The following EGF variants were observed in gnomAD, a reference collection of about 807,000 sequenced individuals.
EGF encodes epidermal growth factor.
A neutral mutation model predicts 143.8 loss-of-function variants in EGF; 95 were observed. That is an observed-to-expected ratio of 0.66 (90% CI 0.56 to 0.78). The LOEUF (loss-of-function observed/expected upper bound fraction) is 0.78, where lower values mean the gene tolerates loss of function less well. Ranked by LOEUF, EGF falls within the 30% of genes least tolerant of loss-of-function variation. EGF has a pLI of 0.00. For missense variants in EGF, 1,320 were observed against 1,470.9 expected, an observed-to-expected ratio of 0.90 and a Z score of 1.68; for synonymous variants, 510 against 510.5, an observed-to-expected ratio of 1.00 and a Z score of 0.01.
intron 20 of EGF, among the ~76,000 whole-genome samples, chr4:109,995,225 T>C (rs77971125): frequency 5.3e-5 from 8 of 152,226 alleles, no homozygotes; most frequent in Non-Finnish European, 1.2e-4. Context: ...ACTTTTTTTT[T>C]CCATCAAATG....
chr4:109,944,434 G>A lies in EGF; in HGVS notation c.737+365G>A, dbSNP rs144911402. Among the ~76,000 whole-genome samples, 374 of 152,330 alleles carry A rather than the reference G, an allele frequency of 2.5e-3. 2 individuals carry two copies. The highest frequency in any genetic ancestry group is 8.5e-3 in the African/African-American group (353 of 41,574). On this transcript the variant is annotated intron_variant, in intron 4 of 23. Coordinates refer to ENST00000265171, the MANE Select transcript of EGF (RefSeq NM_001963.6). ...AGCCTGGGCGACAGAGCGAGACTCC[G>A]TCTCAAGAAAAAGACTTGAGTTCAA...
chr4:109,959,670 G>A (rs939766534), intron 6 of EGF, among the ~76,000 whole-genome samples: 1 of 152,044 alleles, frequency 6.6e-6, no homozygotes. Flanking sequence ...TGTGTTTCTA[G>A]ATCAAACACT....
Position 109,960,931 on chromosome 4 carries a change from C to G in EGF, c.1131C>G (p.Ser377=). The change falls in exon 7 of 24, where the codon TCC becomes TCG. Residue 377 remains serine, a synonymous_variant. Coordinates refer to ENST00000265171, the MANE Select transcript of EGF (RefSeq NM_001963.6). ...TTGGGTGTAAAAACACCCCTGGATC[C>G]TATTACTGCACGTGCCCTGTAGGAT... ...CTLGCKNTPG[S]YYCTCPVGFV... The G allele has an allele frequency of 6.2e-7, 1 of 1,613,938 alleles. No individual in the cohort carries two copies. The highest frequency in any genetic ancestry group is 8.5e-7 in the Non-Finnish European group (1 of 1,179,906).
rs1325358038 is a variant in EGF at position 109,980,956 on chromosome 4, T to C, written c.2352T>C (p.Asp784=). 1 of 1,614,112 alleles carries C rather than the reference T, an allele frequency of 6.2e-7. No homozygotes were observed. Among genetic ancestry groups the C allele is most frequent in the Non-Finnish European group, 8.5e-7 (1 of 1,179,974 alleles). Residue 784 remains aspartate, a synonymous_variant, in exon 15 of 24, where the codon GAT becomes GAC. Transcript: ENST00000265171. ...ATGGGAAAACGTGTCTGGCTCTGGATGGTCATCAGCTGTTGGCAGGTAATA... is the reference window on the plus strand; with the variant it reads ...ATGGGAAAACGTGTCTGGCTCTGGACGGTCATCAGCTGTTGGCAGGTAATA... ...ASDGKTCLAL[D]GHQLLAGGEV... is the part of the protein sequence containing the mutation.
chr4:109,987,302 ATC>A (rs2126133058), intron 16 of EGF, among the ~76,000 whole-genome samples: 1 of 152,110 alleles, frequency 6.6e-6, no homozygotes, highest in East Asian at 1.9e-4. Context: ...GGGACTATGC[ATC>A]TCTTTTTTTT....
chr4:109,964,573 T>A (rs758424003), intron 10 of EGF, 36 bp downstream of exon 10: 3 of 1,613,250 alleles, frequency 1.9e-6, no homozygotes, highest in Non-Finnish European at 2.5e-6. Context: ...GTGGACATGC[T>A]TTAAGGACAG....
intron 21 of EGF, among the ~76,000 whole-genome samples, chr4:110,002,669 CTTTTA>C (rs1752722243): frequency 6.6e-6 from 1 of 150,836 alleles, no homozygotes; most frequent in Non-Finnish European, 1.5e-5. Flanking sequence ...TTTTTTTTAA[CTTTTA>C]TTTTAGGTTC....
Position 109,945,093 on chromosome 4 carries a change from C to T in EGF, c.758C>T (p.Ser253Phe), listed in dbSNP as rs1435747525. The T allele has an allele frequency of 1.2e-6, 2 of 1,613,944 alleles. No homozygotes were observed. Among genetic ancestry groups the T allele is most frequent in the African/African-American group, 2.7e-5 (2 of 74,884 alleles). Residue 253 changes from serine to phenylalanine, a missense_variant, in exon 5 of 24, where the codon TCC (serine) becomes TTC (phenylalanine). This residue lies in a region of EGF where 1,186 missense variants were observed against 1,313.7 expected (regional missense o/e 0.90). Coordinates refer to ENST00000265171, the MANE Select transcript of EGF (RefSeq NM_001963.6). The part of the protein sequence containing the change: ...HPTQHNLFAM[S>F]LFGDRIFYST... ...TTTAGGCATAATTTGTTTGCAATGT[C>T]CCTTTTTGGTGACCGTATCTTCTAT...
intron 1 of EGF, among the ~76,000 whole-genome samples, chr4:109,929,236 C>A (rs1739268704): frequency 6.6e-6 from 1 of 152,132 alleles, no homozygotes; most frequent in Non-Finnish European, 1.5e-5. Context: ...TTGAGAAAGG[C>A]ATAGCTTTGT....
intron 1 of EGF, among the ~76,000 whole-genome samples, chr4:109,935,905 G>A (rs374523824): frequency 4.6e-5 from 7 of 152,228 alleles, no homozygotes; most frequent in Middle Eastern, 3.4e-3. Flanking sequence ...CAACTCGGTC[G>A]TGGTGGATAA....
intron 20 of EGF, 88 bp from the exon 21 acceptor site, chr4:109,999,591 G>T: frequency 1.3e-6 from 2 of 1,542,530 alleles, no homozygotes; most frequent in African/African-American, 1.4e-5. Flanking sequence ...AAATGCAGAG[G>T]TTGAGAGACA....
chr4:109,986,428 G>A (rs1429786051), intron 16 of EGF, among the ~76,000 whole-genome samples: 2 of 152,262 alleles, frequency 1.3e-5, no homozygotes, highest in South Asian at 2.1e-4. Flanking sequence ...TGAGTGACAG[G>A]AGATAACCAA....
chr4:109,957,908 C>T (rs11568919), intron 5 of EGF, among the ~76,000 whole-genome samples: 9 of 152,250 alleles, frequency 5.9e-5, no homozygotes, highest in Admixed American at 3.9e-4. Flanking sequence ...TCTGCCCTTA[C>T]GCTCAAGCTT....
intron 22 of EGF, among the ~76,000 whole-genome samples, chr4:110,006,183 TAA>T (rs11287078): frequency 3.4e-5 from 5 of 147,836 alleles, no homozygotes; most frequent in East Asian, 2.0e-4. Flanking sequence ...TTAAAAAGAT[TAA>T]AAAAAAAAAC....
rs766342228 is a variant in EGF at position 110,008,132 on chromosome 4, C to T, written c.3292-20C>T. On this transcript the variant is annotated intron_variant, in intron 22 of 23. Coordinates refer to ENST00000265171, the MANE Select transcript of EGF (RefSeq NM_001963.6). ...TGAATTTTAACAATATCCTCTCTCC[C>T]TCCTTTTTGTTGTCTGCAGTTTGTG... 6.2e-6 allele frequency: 10 copies of T among 1,605,550 alleles called. No homozygotes were observed. The Admixed American group carries it at 1.7e-4, about 27-fold the overall frequency.
At chr4:109,965,433 A>G (rs931691283) in intron 10 of EGF, among the ~76,000 whole-genome samples, 1 of 152,308 alleles carries the variant, frequency 6.6e-6, no homozygotes, top group African/African-American at 2.4e-5. Context: ...AAGTTTTGCA[A>G]TTGAACACTA....
At chr4:109,960,725 G>A in intron 6 of EGF, 142 bp from the exon 7 acceptor site, 1 of 869,786 alleles carries the variant, frequency 1.1e-6, no homozygotes, top group Non-Finnish European at 1.8e-6. Flanking sequence ...CCCTTTGCTA[G>A]AGTATGGAAA....
At chr4:109,943,805 A>G in intron 3 of EGF, 37 bp from the exon 4 acceptor site, 9 of 1,578,954 alleles carry the variant, frequency 5.7e-6, no homozygotes, top group Non-Finnish European at 7.8e-6. Flanking sequence ...GGCACTATAC[A>G]TTCATTTTTG....
At chr4:110,002,495 A>G (rs1398372224) in intron 21 of EGF, among the ~76,000 whole-genome samples, 1 of 152,174 alleles carries the variant, frequency 6.6e-6, no homozygotes, top group Admixed American at 6.5e-5. Flanking sequence ...TCTGTCTCAA[A>G]AACAAAACAA....
Sources: gnomAD v4.1 joint callset for allele counts (sites outside exome capture counted in the v4.1 genomes callset) on GRCh38, gnomAD v4.1.1 for gene constraint, gnomAD v4.1.1 regional missense constraint, MANE v1.5 for transcripts, NCBI Gene and HGNC (gene_info 2026-07-23, HGNC 2026-07-21) for gene names.